Variants in RAB27B observed in about 807,000 individuals in gnomAD.
RAB27B encodes RAB27B, member RAS oncogene family, also known as ras-related protein Rab-27B.
In RAB27B, 15 loss-of-function variants were observed where a neutral mutation model predicts 24.6. The observed-to-expected ratio is 0.61, with a 90% CI of 0.41 to 0.94. The LOEUF is 0.94. RAB27B is among the 40% of genes least tolerant of loss of function. RAB27B has a pLI of 0.00. For missense variants in RAB27B, 261 were observed against 266.8 expected (o/e 0.98, Z 0.15); for synonymous variants, 105 against 92.5 (o/e 1.14, Z -0.78).
chr18:54,841,115 C>T (rs1911090333), intron 1 of RAB27B, among the ~76,000 whole-genome samples: 1 of 124,410 alleles, frequency 8.0e-6, no homozygotes, highest in Non-Finnish European at 1.6e-5. Flanking sequence ...CATTGCACTC[C>T]AGCTCTGGGT....
At chr18:54,884,294 G>T in intron 3 of RAB27B, 39 bp from the exon 4 acceptor site, 1 of 1,238,126 alleles carries the variant, frequency 8.1e-7, no homozygotes, top group South Asian at 1.2e-5. Flanking sequence ...AAGATATGTG[G>T]ACTAACTTTC....
At chr18:54,790,352 G>A (rs996513114) in intron 2 of RAB27B, among the ~76,000 whole-genome samples, 2 of 152,100 alleles carry the variant, frequency 1.3e-5, no homozygotes, top group African/African-American at 2.4e-5. Context: ...ATGAATGAGT[G>A]CATTTTTGAA....
At chr18:54,828,340 T>G (rs1039827465), upstream of RAB27B, 4 of 152,216 alleles carry the variant, frequency 2.6e-5, no homozygotes, top group East Asian at 5.8e-4. Flanking sequence ...CTGCAGCAGT[T>G]GAGTCACCAG....
intron 2 of RAB27B, among the ~76,000 whole-genome samples, chr18:54,799,614 ATTTTTTTTTTTT>A (rs869256244): frequency 4.4e-5 from 3 of 67,524 alleles, no homozygotes; most frequent in Admixed American, 2.2e-4. Flanking sequence ...TAATAAAATG[ATTTTTTTTTTTT>A]TTTTTTTTTT....
At chr18:54,828,316 G>A (rs1910543491), upstream of RAB27B, 1 of 152,240 alleles carries the variant, frequency 6.6e-6, no homozygotes, top group African/African-American at 2.4e-5. Flanking sequence ...TCCCCGAGAG[G>A]AGTGTGTTTC....
At chr18:54,728,813 T>C (rs1909626698) in intron 2 of RAB27B, among the ~76,000 whole-genome samples, 1 of 135,742 alleles carries the variant, frequency 7.4e-6, no homozygotes. Context: ...GGGACAGAGG[T>C]TGCTGTGAAC....
intron 1 of RAB27B, among the ~76,000 whole-genome samples, chr18:54,838,133 G>C (rs749386488): frequency 6.6e-6 from 1 of 152,086 alleles, no homozygotes; most frequent in African/African-American, 2.4e-5. Context: ...TTCTAGCTCT[G>C]CTGTCACTAA....
At chr18:54,831,493 G>A (rs923445045) in intron 1 of RAB27B, among the ~76,000 whole-genome samples, 5 of 152,118 alleles carry the variant, frequency 3.3e-5, no homozygotes, top group South Asian at 2.1e-4. Flanking sequence ...GATATAGCCC[G>A]TTGAACATTT....
chr18:54,850,645 C>T (rs929699770), intron 1 of RAB27B, among the ~76,000 whole-genome samples: 4 of 151,544 alleles, frequency 2.6e-5, no homozygotes, highest in Admixed American at 1.3e-4. Flanking sequence ...GGATTGCAGG[C>T]GTGAGCCACC....
chr18:54,789,859 C>T (rs1909195628), intron 2 of RAB27B, among the ~76,000 whole-genome samples: 1 of 152,020 alleles, frequency 6.6e-6, no homozygotes, highest in East Asian at 1.9e-4. Context: ...ACAACCTATC[C>T]CAGTGCATTC....
At chr18:54,719,635 T>A (rs1284915945) in intron 2 of RAB27B, among the ~76,000 whole-genome samples, 2 of 152,080 alleles carry the variant, frequency 1.3e-5, no homozygotes, top group Non-Finnish European at 2.9e-5. Context: ...GGGGTGGTAG[T>A]AAACTTTCAT....
At chr18:54,783,672 A>C (rs1207073592) in intron 2 of RAB27B, among the ~76,000 whole-genome samples, 1 of 152,198 alleles carries the variant, frequency 6.6e-6, no homozygotes, top group Non-Finnish European at 1.5e-5. Flanking sequence ...GAAACCCAGG[A>C]AGCTGGACCT....
chr18:54,787,279 C>G (rs919103810), intron 2 of RAB27B, among the ~76,000 whole-genome samples: 1 of 152,190 alleles, frequency 6.6e-6, no homozygotes, highest in African/African-American at 2.4e-5. Context: ...GCTTTTGAGA[C>G]TTTCGCTCTG....
intron 2 of RAB27B, among the ~76,000 whole-genome samples, chr18:54,806,357 TAGG>T: frequency 6.6e-6 from 1 of 151,956 alleles, no homozygotes; most frequent in Admixed American, 6.6e-5. Context: ...ATGGGAAGCA[TAGG>T]AGACTGGTTC....
At chr18:54,866,903 T>C (rs1231098483) in intron 1 of RAB27B, among the ~76,000 whole-genome samples, 2 of 152,154 alleles carry the variant, frequency 1.3e-5, no homozygotes, top group Non-Finnish European at 2.9e-5. Context: ...GGTTTTTATG[T>C]ACGGATCCTG....
chr18:54,876,483 C>T (rs1445400865), intron 1 of RAB27B, among the ~76,000 whole-genome samples: 5 of 152,150 alleles, frequency 3.3e-5, no homozygotes, highest in Non-Finnish European at 2.9e-5. Flanking sequence ...CTAGAAAAAT[C>T]TTCATAGGCC....
chr18:54,746,434 C>G (rs1363919283), intron 2 of RAB27B, among the ~76,000 whole-genome samples: 1 of 152,144 alleles, frequency 6.6e-6, no homozygotes, highest in African/African-American at 2.4e-5. Context: ...CTACATGGGT[C>G]ATACTTTATT....
At chr18:54,736,283 A>G (rs1023465885) in intron 2 of RAB27B, among the ~76,000 whole-genome samples, 3 of 152,216 alleles carry the variant, frequency 2.0e-5, no homozygotes, top group Non-Finnish European at 4.4e-5. Context: ...TTTCGTATTC[A>G]ATAGAACCTA....
At chr18:54,843,360 C>CTT (rs59589200) in intron 1 of RAB27B, among the ~76,000 whole-genome samples, 2 of 150,466 alleles carry the variant, frequency 1.3e-5, no homozygotes, top group African/African-American at 4.9e-5. Flanking sequence ...CAATAAAACT[C>CTT]TTTTTTTTTT....
Sources: gnomAD v4.1 joint callset for allele counts (sites outside exome capture counted in the v4.1 genomes callset) on GRCh38, gnomAD v4.1.1 for gene constraint, MANE v1.5 for transcripts, NCBI Gene and HGNC (gene_info 2026-07-23, HGNC 2026-07-21) for gene names.